The following SHROOM3 variants were observed in gnomAD, a reference collection of about 807,000 sequenced individuals.
SHROOM3 encodes the protein protein Shroom3.
SHROOM3 carries 47 observed loss-of-function variants against 138.6 expected under a neutral mutation model. The observed-to-expected ratio is 0.34, with a 90% confidence interval of 0.27 to 0.43. SHROOM3 has a LOEUF of 0.43. Among genes scored for constraint, SHROOM3 ranks in the 20% least tolerant of loss-of-function variants. The pLI, the probability that SHROOM3 is intolerant of heterozygous loss-of-function variation, is 1.00. For missense variants in SHROOM3, 2,491 were observed against 2,596.5 expected (o/e 0.96, Z 0.88); for synonymous variants, 1,062 against 1,063.3 (o/e 1.00, Z 0.02).
intron 2 of SHROOM3, among the ~76,000 whole-genome samples, chr4:76,690,130 C>A (rs1273101285): frequency 6.6e-6 from 1 of 152,134 alleles, no homozygotes; most frequent in Non-Finnish European, 1.5e-5. Context: ...ACGCCTACCC[C>A]CAACCCCCAC....
chr4:76,489,043 T>C (rs1731795329), intron 1 of SHROOM3, among the ~76,000 whole-genome samples: 1 of 152,168 alleles, frequency 6.6e-6, no homozygotes, highest in Non-Finnish European at 1.5e-5. Flanking sequence ...TAGCCAGGGC[T>C]CTGGAGGAAG....
intron 8 of SHROOM3, among the ~76,000 whole-genome samples, chr4:76,757,812 C>A (rs1028406828): frequency 6.6e-6 from 1 of 152,172 alleles, no homozygotes; most frequent in Admixed American, 6.5e-5. Context: ...TAAAAGACTA[C>A]TATGAGAAAG....
chr4:76,520,182 T>C (rs1263089255), intron 1 of SHROOM3, among the ~76,000 whole-genome samples: 1 of 152,144 alleles, frequency 6.6e-6, no homozygotes, highest in Non-Finnish European at 1.5e-5. Flanking sequence ...CAAATTTGAA[T>C]TCCTATAATT....
In SHROOM3 at chr4:76,549,971, A is replaced by G. The variant is rs534218703; in HGVS notation, c.169-5638A>G. 3.9e-5 allele frequency among the ~76,000 whole-genome samples: 6 copies of G among 152,292 alleles called. 1 individual carries two copies. The highest frequency in any genetic ancestry group is 9.6e-5 in the African/African-American group (4 of 41,570). ...ATCCTCTGGAGGAATCCTGGCACCA[A>G]GCAAACTTCCCAGGGCTCCTTTGAC... On this transcript the variant is annotated intron_variant, in intron 1 of 10. Transcript: ENST00000296043.
chr4:76,565,868 C>A (rs1733710176), intron 2 of SHROOM3, among the ~76,000 whole-genome samples: 2 of 152,088 alleles, frequency 1.3e-5, no homozygotes, highest in Admixed American at 6.5e-5. Flanking sequence ...ATAATCCCAG[C>A]ACTTTGGAAG....
intron 1 of SHROOM3, among the ~76,000 whole-genome samples, chr4:76,471,270 G>A (rs1251735902): frequency 1.7e-4 from 25 of 147,334 alleles, no homozygotes; most frequent in Non-Finnish European, 3.6e-4. Context: ...TTGAGATGGA[G>A]TCTCACTCTG....
At chr4:76,452,076 T>C (rs1045518877) in intron 1 of SHROOM3, among the ~76,000 whole-genome samples, 2 of 152,222 alleles carry the variant, frequency 1.3e-5, no homozygotes, top group Admixed American at 1.3e-4. Flanking sequence ...AGATAAAAGC[T>C]GGAGTCATTT....
intron 1 of SHROOM3, among the ~76,000 whole-genome samples, chr4:76,482,694 C>T (rs1374849403): frequency 6.6e-6 from 1 of 152,130 alleles, no homozygotes; most frequent in Non-Finnish European, 1.5e-5. Flanking sequence ...ATAGCCAAGA[C>T]AATCCTAAGC....
At chr4:76,681,594 G>GGGGGGT (rs1553936165) in intron 2 of SHROOM3, among the ~76,000 whole-genome samples, 11 of 81,024 alleles carry the variant, frequency 1.4e-4, no homozygotes, top group Non-Finnish European at 2.0e-4. Context: ...CAGAGTCTAG[G>GGGGGGT]GTGTGTGTGT....
At chr4:76,486,002 T>TTTTA (rs1244817644) in intron 1 of SHROOM3, among the ~76,000 whole-genome samples, 1 of 152,284 alleles carries the variant, frequency 6.6e-6, no homozygotes, top group Admixed American at 6.5e-5. Context: ...GGAATTTTTA[T>TTTTA]TTTATTTATT....
chr4:76,514,653 A>G (rs1344227905), intron 1 of SHROOM3, among the ~76,000 whole-genome samples: 1 of 152,224 alleles, frequency 6.6e-6, no homozygotes, highest in South Asian at 2.1e-4. Context: ...TAGTATGTGG[A>G]TTTAATTTTA....
At chr4:76,522,340 A>T (rs778909182) in intron 1 of SHROOM3, among the ~76,000 whole-genome samples, 2 of 150,462 alleles carry the variant, frequency 1.3e-5, no homozygotes, top group Non-Finnish European at 3.0e-5. Context: ...TGATAATGAT[A>T]TAATTATATG....
chr4:76,513,339 T>G (rs1053529459), intron 1 of SHROOM3, among the ~76,000 whole-genome samples: 2 of 152,016 alleles, frequency 1.3e-5, no homozygotes, highest in African/African-American at 4.8e-5. Context: ...TGTTTTTTTT[T>G]TTGAGACAGA....
intron 2 of SHROOM3, among the ~76,000 whole-genome samples, chr4:76,671,955 G>T (rs1402109882): frequency 6.6e-6 from 1 of 152,116 alleles, no homozygotes. Context: ...TCACGTCAGT[G>T]CTCAAAAAGT....
rs765626467 is a variant in SHROOM3, at chr4:76,739,237, G to A, written c.1064G>A (p.Gly355Glu). 6.2e-7 allele frequency: 1 copy of A among 1,614,032 alleles called. No homozygotes were observed. The change falls in exon 5 of 11, where the codon GGA (glycine) becomes GAA (glutamate). Residue 355 changes from glycine (G) to glutamate (E), a missense_variant. By Grantham distance (98) the Gly-to-Glu change is moderately conservative. Around this residue, in one of 4 missense-constraint regions of SHROOM3, gnomAD observed 1,733 missense variants for 1,661.6 expected, o/e 1.04. Coordinates refer to ENST00000296043, the MANE Select transcript of SHROOM3 (RefSeq NM_020859.4). Reference protein sequence around the residue: ...DKWSNIPRGKGVPPPSWSQQC... With the variant: ...DKWSNIPRGKEVPPPSWSQQC... ...TGGTCTAATATTCCTCGGGGCAAGGGAGTGCCACCCCCATCCTGGAGCCAG... is the reference window on the plus strand; with the variant it reads ...TGGTCTAATATTCCTCGGGGCAAGGAAGTGCCACCCCCATCCTGGAGCCAG...
intron 1 of SHROOM3, among the ~76,000 whole-genome samples, chr4:76,530,590 C>T (rs192824406): frequency 1.4e-3 from 208 of 152,240 alleles, no homozygotes; most frequent in Non-Finnish European, 2.4e-3. Context: ...CTTTTCTGAG[C>T]AGATATTGGA....
At chr4:76,452,363 C>T (rs968828088) in intron 1 of SHROOM3, among the ~76,000 whole-genome samples, 1 of 152,200 alleles carries the variant, frequency 6.6e-6, no homozygotes, top group African/African-American at 2.4e-5. Flanking sequence ...AACTCTGTAT[C>T]CATTAAAAAC....
At chr4:76,615,825 A>C (rs1339899310) in intron 2 of SHROOM3, among the ~76,000 whole-genome samples, 1 of 152,224 alleles carries the variant, frequency 6.6e-6, no homozygotes, top group Admixed American at 6.5e-5. Context: ...CCTCAGTTTC[A>C]GATATGTGTA....
chr4:76,751,793 T>TA (rs1057105616), intron 6 of SHROOM3, among the ~76,000 whole-genome samples: 24 of 152,088 alleles, frequency 1.6e-4, no homozygotes, highest in African/African-American at 5.3e-4. Context: ...TGGCTGCAAT[T>TA]AAAAAAACGA....
Sources: gnomAD v4.1 joint callset for allele counts (sites outside exome capture counted in the v4.1 genomes callset) on GRCh38, gnomAD v4.1.1 for gene constraint, gnomAD v4.1.1 regional missense constraint, MANE v1.5 for transcripts, NCBI Gene and HGNC (gene_info 2026-07-23, HGNC 2026-07-21) for gene names.